The following NELL1 variants were observed in gnomAD, a reference collection of about 807,000 sequenced individuals.
NELL1 encodes the protein protein kinase C-binding protein NELL1.
A neutral mutation model predicts 107.4 loss-of-function variants in NELL1; 76 were observed. The observed-to-expected ratio is 0.71, with a 90% CI of 0.59 to 0.86. The LOEUF (loss-of-function observed/expected upper bound fraction) is 0.86. NELL1 is among the 40% of genes least tolerant of loss of function. The pLI is 0.00. For synonymous variants in NELL1, 353 were observed against 341.2 expected (o/e 1.03, Z -0.38); for missense variants, 1,024 against 1,005.5 (o/e 1.02, Z -0.25).
chr11:21,345,132 G>T (rs1850656604), intron 14 of NELL1, among the ~76,000 whole-genome samples: 1 of 152,152 alleles, frequency 6.6e-6, no homozygotes, highest in Admixed American at 6.5e-5. Context: ...AAGTAGCTTG[G>T]TTTAGCCTTC....
At chr11:21,354,313 T>G (rs1389988056) in intron 14 of NELL1, among the ~76,000 whole-genome samples, 2 of 152,144 alleles carry the variant, frequency 1.3e-5, no homozygotes, top group African/African-American at 4.8e-5. Flanking sequence ...GTTTTTTCTT[T>G]TCTTTATTTA....
intron 15 of NELL1, among the ~76,000 whole-genome samples, chr11:21,420,753 C>A (rs900688404): frequency 1.2e-4 from 18 of 152,126 alleles, no homozygotes; most frequent in African/African-American, 4.3e-4. Flanking sequence ...AAGCACCAGA[C>A]ACAACAAAAA....
chr11:21,382,207 A>C (rs553457262), intron 15 of NELL1, among the ~76,000 whole-genome samples: 1 of 151,986 alleles, frequency 6.6e-6, no homozygotes, highest in East Asian at 2.0e-4. Flanking sequence ...AATAGGGACA[A>C]CCTCAGCTTT....
At chr11:21,157,815 C>G (rs982262780) in intron 13 of NELL1, among the ~76,000 whole-genome samples, 1 of 152,156 alleles carries the variant, frequency 6.6e-6, no homozygotes, top group African/African-American at 2.4e-5. Context: ...GAGTATAACA[C>G]TAGTCTAACC....
chr11:21,050,653 G>A (rs1240048124), intron 12 of NELL1, among the ~76,000 whole-genome samples: 1 of 152,102 alleles, frequency 6.6e-6, no homozygotes, highest in Non-Finnish European at 1.5e-5. Flanking sequence ...TTTTAAAAAT[G>A]TTTTCTCTGT....
At chr11:20,900,496 A>G (rs1408179561) in intron 5 of NELL1, among the ~76,000 whole-genome samples, 1 of 152,112 alleles carries the variant, frequency 6.6e-6, no homozygotes, top group Non-Finnish European at 1.5e-5. Context: ...CCACCAAATA[A>G]CCACGAGGCT....
At chr11:21,236,517 A>G (rs1858210561) in intron 14 of NELL1, among the ~76,000 whole-genome samples, 1 of 152,156 alleles carries the variant, frequency 6.6e-6, no homozygotes, top group Non-Finnish European at 1.5e-5. Context: ...TGGACCTGCT[A>G]TTTAAGTTCA....
chr11:20,715,912 G>A (rs1855239803), intron 2 of NELL1, among the ~76,000 whole-genome samples: 1 of 152,180 alleles, frequency 6.6e-6, no homozygotes, highest in African/African-American at 2.4e-5. Context: ...AGGAGAATTA[G>A]ATCTGTATTG....
chr11:21,118,294 G>T (rs1437544394), intron 13 of NELL1, among the ~76,000 whole-genome samples: 1 of 152,006 alleles, frequency 6.6e-6, no homozygotes, highest in Non-Finnish European at 1.5e-5. Context: ...TTTACAATGG[G>T]GAATATGGAT....
At chr11:20,912,758 C>A (rs983913696) in intron 5 of NELL1, among the ~76,000 whole-genome samples, 2 of 152,070 alleles carry the variant, frequency 1.3e-5, no homozygotes, top group African/African-American at 4.8e-5. Flanking sequence ...TTAAAAATTC[C>A]ACAGCTGTCG....
chr11:20,755,556 G>T (rs3045500), intron 2 of NELL1, among the ~76,000 whole-genome samples: 5,378 of 22,678 alleles, frequency 0.24, 246 homozygotes, highest in Middle Eastern at 0.3. Flanking sequence ...TTTTGTTTTT[G>T]TTTTTGTTTT....
At chr11:21,509,122 AG>A (rs1279128278) in intron 15 of NELL1, among the ~76,000 whole-genome samples, 1 of 152,212 alleles carries the variant, frequency 6.6e-6, no homozygotes, top group Non-Finnish European at 1.5e-5. Context: ...ATATATAGAA[AG>A]ATGTTTTACT....
At chr11:21,556,571 T>A (rs1466516358) in intron 16 of NELL1, among the ~76,000 whole-genome samples, 1 of 151,932 alleles carries the variant, frequency 6.6e-6, no homozygotes, top group Admixed American at 6.6e-5. Flanking sequence ...ATCTCTGAAT[T>A]CTATTTTCTT....
intron 16 of NELL1, among the ~76,000 whole-genome samples, chr11:21,536,879 A>G (rs1032751435): frequency 6.6e-6 from 1 of 152,118 alleles, no homozygotes; most frequent in East Asian, 1.9e-4. Context: ...TGTCTCTGGC[A>G]CCTGTCCTGG....
At position 21,266,302 on chromosome 11, in the gene NELL1, G is replaced by T. The variant is rs1410373309; in HGVS notation, c.1549+36848G>T. 2.0e-5 allele frequency among the ~76,000 whole-genome samples: 3 copies of T among 151,832 alleles called. No homozygotes were observed. In the South Asian group the frequency reaches 6.2e-4, roughly 32 times the overall value. On this transcript the variant is annotated intron_variant, in intron 14 of 19. Coordinates refer to ENST00000357134, the MANE Select transcript of NELL1 (RefSeq NM_006157.5). ...TAAAATGTTCACTTGTGTGTTGCTT[G>T]TCTGTCCATCAATCATCTATCTACC... is the stretch of plus-strand genomic sequence containing the variant.
At chr11:21,491,374 A>G (rs1401739164) in intron 15 of NELL1, among the ~76,000 whole-genome samples, 3 of 152,274 alleles carry the variant, frequency 2.0e-5, no homozygotes, top group East Asian at 1.9e-4. Flanking sequence ...TAATTTTTGT[A>G]TAAGGTATAA....
Position 21,513,279 on chromosome 11 carries a change from G to A in NELL1, c.1646-21095G>A, listed in dbSNP as rs76390144. Among the ~76,000 whole-genome samples the A allele has an allele frequency of 2.9e-3, 434 of 152,210 alleles. 6 individuals are homozygous for A. In the East Asian group the frequency reaches 0.051, roughly 18 times the overall value. ...TAATACCTGAGTAAGGGGAAGAAAA[G>A]CCAAATGCAAACTGTTCTTCTCTTA... On this transcript the variant is annotated intron_variant, in intron 15 of 19. Coordinates refer to ENST00000357134, the MANE Select transcript of NELL1 (RefSeq NM_006157.5).
intron 13 of NELL1, among the ~76,000 whole-genome samples, chr11:21,135,200 T>C (rs1458156391): frequency 6.6e-6 from 1 of 152,236 alleles, no homozygotes; most frequent in African/African-American, 2.4e-5. Flanking sequence ...ATGTAGATCA[T>C]AAGAGCAATC....
At chr11:21,436,840 T>TG (rs1274060515) in intron 15 of NELL1, among the ~76,000 whole-genome samples, 1 of 151,868 alleles carries the variant, frequency 6.6e-6, no homozygotes, top group Non-Finnish European at 1.5e-5. Context: ...ATTTCAAGAA[T>TG]TTTTTTTGCT....
Sources: allele counts gnomAD v4.1 joint callset (sites outside exome capture counted in the v4.1 genomes callset), GRCh38; gene constraint gnomAD v4.1.1; transcripts MANE v1.5; gene names NCBI Gene and HGNC (gene_info 2026-07-23, HGNC 2026-07-21).